The following YIPF4 variants were observed in gnomAD, a reference collection of about 807,000 sequenced individuals.
YIPF4 encodes the protein protein YIPF4.
Under a neutral mutation model 29.4 loss-of-function variants are expected in YIPF4, and 18 were observed. The observed-to-expected ratio is 0.61, with a 90% CI of 0.42 to 0.91. The LOEUF (loss-of-function observed/expected upper bound fraction) is 0.91, where lower values mean the gene tolerates loss of function less well. YIPF4 is among the 40% of genes least tolerant of loss of function. YIPF4 has a pLI of 0.00. For missense variants in YIPF4, 279 were observed against 282.7 expected, an observed-to-expected ratio of 0.99 and a Z score of 0.09; for synonymous variants, 115 against 104.7, an observed-to-expected ratio of 1.10 and a Z score of -0.60.
intron 1 of YIPF4, among the ~76,000 whole-genome samples, chr2:32,285,711 A>T (rs1157442724): frequency 6.8e-6 from 1 of 147,620 alleles, no homozygotes; most frequent in Admixed American, 6.9e-5. Flanking sequence ...GCTAGAGTGC[A>T]GTGGTGCGAT....
In YIPF4 at chr2:32,311,734, T is replaced by C. The variant is rs1032954302; in HGVS notation, c.*6108T>C. Reference sequence around the variant, plus strand: ...AAATTATCAAGAATAAAAACCTTGGTTTTTCTGTAATATTTGCCACTGAGC... The same window carrying C: ...AAATTATCAAGAATAAAAACCTTGGCTTTTCTGTAATATTTGCCACTGAGC... On this transcript the variant is annotated 3_prime_UTR_variant, in exon 6 of 6. Transcript: ENST00000238831. 2 of 152,194 alleles carry C rather than the reference T, an allele frequency of 1.3e-5. No individual in the cohort carries two copies. Among genetic ancestry groups the C allele is most frequent in the African/African-American group, 4.8e-5 (2 of 41,458 alleles). The allele number at this position is 152,194 out of a possible 1,614,324, so 9.4% of individuals were successfully genotyped here. A position where few individuals can be genotyped will look rare whatever the true frequency, so the allele number is the denominator to read the frequency against.
At chr2:32,304,795 G>A (rs1052849467) in intron 5 of YIPF4, among the ~76,000 whole-genome samples, 1 of 152,098 alleles carries the variant, frequency 6.6e-6, no homozygotes, top group Non-Finnish European at 1.5e-5. Context: ...AAATGTGTTA[G>A]GTGACTACAT....
Position 32,315,055 on chromosome 2 carries a change from G to A in YIPF4, c.*9429G>A, listed in dbSNP as rs1234396559. ...TACATAATCCATAACTGATATGGCA[G>A]TTTAACAGTGTTATTAAGAACTCAA... On this transcript the variant is annotated 3_prime_UTR_variant, in exon 6 of 6. Transcript: ENST00000238831. The A allele has an allele frequency of 6.6e-6, 1 of 152,202 alleles. No individual in the cohort carries two copies. 9.4% of individuals were successfully genotyped at this position (152,202 alleles called of 1,614,324 possible).
chr2:32,316,014 T>A lies in YIPF4; in HGVS notation c.*10388T>A. The A allele has an allele frequency of 1.0e-5, 1 of 99,186 alleles. No individual in the cohort carries two copies. Among genetic ancestry groups the A allele is most frequent in the Non-Finnish European group, 1.9e-5 (1 of 51,964 alleles). 6.1% of individuals were successfully genotyped at this position (99,186 alleles called of 1,614,324 possible). A position where few individuals can be genotyped will look rare whatever the true frequency, so the allele number is the denominator to read the frequency against. ...TGGGCAATATAGCGAGACCCCGTTC[T>A]CCCCAAAAAGGAAAAAAAAAAAAAA... On this transcript the variant is annotated 3_prime_UTR_variant, in exon 6 of 6. Transcript: ENST00000238831.
chr2:32,314,457 T>G lies in YIPF4; in HGVS notation c.*8831T>G, dbSNP rs866690058. On this transcript the variant is annotated 3_prime_UTR_variant, in exon 6 of 6. Coordinates refer to ENST00000238831, the MANE Select transcript of YIPF4 (RefSeq NM_032312.4). ...GGGAGGCAGAGGCTGGCAGATCACC[T>G]GAGGTTGGGAGTTTGAGACCAGCCT... is the stretch of plus-strand genomic sequence containing the variant. 6.6e-6 allele frequency: 1 copy of G among 152,192 alleles called. No individual in the cohort carries two copies. The highest frequency in any genetic ancestry group is 2.4e-5 in the African/African-American group (1 of 41,448). The allele number at this position is 152,192 out of a possible 1,614,324, so 9.4% of individuals were successfully genotyped here.
At chr2:32,278,697 A>G (rs2030231949) in intron 1 of YIPF4, among the ~76,000 whole-genome samples, 1 of 152,136 alleles carries the variant, frequency 6.6e-6, no homozygotes, top group Non-Finnish European at 1.5e-5. Flanking sequence ...CTGCAAATAC[A>G]AACTAAATGG....
At chr2:32,279,838 A>C (rs1290160106) in intron 1 of YIPF4, among the ~76,000 whole-genome samples, 1 of 150,716 alleles carries the variant, frequency 6.6e-6, no homozygotes, top group Non-Finnish European at 1.5e-5. Flanking sequence ...AAAATGTACA[A>C]TAAAATTTTT....
At chr2:32,283,534 C>G (rs2030526780) in intron 1 of YIPF4, among the ~76,000 whole-genome samples, 1 of 152,142 alleles carries the variant, frequency 6.6e-6, no homozygotes, top group Admixed American at 6.6e-5. Context: ...TCCTCCTCGC[C>G]TTAAGTTAAA....
intron 3 of YIPF4, among the ~76,000 whole-genome samples, chr2:32,296,477 A>C (rs2031188224): frequency 1.3e-5 from 2 of 151,860 alleles, no homozygotes. Context: ...TCTCAAAAAA[A>C]AAAAAAAGGA....
chr2:32,303,600 C>T (rs528181693), intron 5 of YIPF4, among the ~76,000 whole-genome samples: 5 of 152,250 alleles, frequency 3.3e-5, no homozygotes, highest in East Asian at 3.9e-4. Flanking sequence ...ATGGGAGGAT[C>T]GCCTGAGCCC....
chr2:32,281,347 T>A (rs990039133), intron 1 of YIPF4, among the ~76,000 whole-genome samples: 26 of 152,102 alleles, frequency 1.7e-4, no homozygotes, highest in African/African-American at 6.3e-4. Flanking sequence ...GATCAAGTGA[T>A]TCTCCTGCCT....
intron 3 of YIPF4, 91 bp downstream of exon 3, chr2:32,292,439 A>C: frequency 2.0e-6 from 2 of 994,310 alleles, no homozygotes; most frequent in Non-Finnish European, 2.7e-6. Flanking sequence ...ATACCATATT[A>C]TGTTTGAGAA....
At position 32,278,227 on chromosome 2, in the gene YIPF4, C is replaced by A; in HGVS notation, c.72C>A (p.Asp24Glu). ...NGDFTFVSSA[D>E]AEDLSGSIAS... Reference sequence around the variant, plus strand: ...ACTTCACCTTTGTCTCCTCAGCAGACGCGGAAGGTGAGGCTGAGCCCCTGG... The same window carrying A: ...ACTTCACCTTTGTCTCCTCAGCAGAAGCGGAAGGTGAGGCTGAGCCCCTGG... Residue 24 changes from aspartate (D) to glutamate (E), a missense_variant, in exon 1 of 6, where the codon GAC becomes GAA. By Grantham distance (45) the Asp-to-Glu change is conservative. Coordinates refer to ENST00000238831, the MANE Select transcript of YIPF4 (RefSeq NM_032312.4). 2 of 1,563,790 alleles carry A rather than the reference C, an allele frequency of 1.3e-6. No individual in the cohort carries two copies. The highest frequency in any genetic ancestry group is 8.7e-7 in the Non-Finnish European group (1 of 1,154,620).
chr2:32,295,858 C>T (rs2031158166), intron 3 of YIPF4, among the ~76,000 whole-genome samples: 1 of 152,170 alleles, frequency 6.6e-6, no homozygotes, highest in South Asian at 2.1e-4. Context: ...CTACCTTGGC[C>T]TCCCAAAGTG....
rs377561559 is a variant in YIPF4 at position 32,307,298 on chromosome 2, A to G, written c.*1672A>G. The G allele has an allele frequency of 1.7e-5, 6 of 358,628 alleles. No homozygotes were observed. In the East Asian group the frequency reaches 7.6e-4, roughly 45 times the overall value. The allele number at this position is 358,628 out of a possible 1,614,324, so 22.2% of individuals were successfully genotyped here. On this transcript the variant is annotated 3_prime_UTR_variant, in exon 6 of 6. Transcript: ENST00000238831. ...TGTTGACCCTGGAATCTTTCACAGA[A>G]AGCTTGGGGGTCAGGACCAGGAGGT... is the stretch of plus-strand genomic sequence containing the variant.
intron 1 of YIPF4, among the ~76,000 whole-genome samples, chr2:32,287,788 A>G (rs1489612251): frequency 1.3e-5 from 2 of 152,244 alleles, no homozygotes; most frequent in African/African-American, 4.8e-5. Flanking sequence ...ACAGCTGTAG[A>G]AACATTTTTA....
chr2:32,285,302 A>G (rs777050240), intron 1 of YIPF4, among the ~76,000 whole-genome samples: 1 of 152,150 alleles, frequency 6.6e-6, no homozygotes, highest in Non-Finnish European at 1.5e-5. Flanking sequence ...AAGACCTGAG[A>G]TATATCAGTT....
At position 32,314,325 on chromosome 2, in the gene YIPF4, A is replaced by C. The variant is rs1052309688; in HGVS notation, c.*8699A>C. ...TTATATGAAGTTCAAACACAGGCAA[A>C]ATTAAGCTATAGTGTTTAGGGATGC... On this transcript the variant is annotated 3_prime_UTR_variant, in exon 6 of 6. Coordinates refer to ENST00000238831, the MANE Select transcript of YIPF4 (RefSeq NM_032312.4). 6.6e-6 allele frequency: 1 copy of C among 152,222 alleles called. No homozygotes were observed. Among genetic ancestry groups the C allele is most frequent in the Non-Finnish European group, 1.5e-5 (1 of 68,044 alleles). The allele number at this position is 152,222 out of a possible 1,614,324, so 9.4% of individuals were successfully genotyped here. A position where few individuals can be genotyped will look rare whatever the true frequency, so the allele number is the denominator to read the frequency against.
At chr2:32,296,015 A>G (rs2031165135) in intron 3 of YIPF4, among the ~76,000 whole-genome samples, 1 of 152,220 alleles carries the variant, frequency 6.6e-6, no homozygotes. Flanking sequence ...AGTCCTATTA[A>G]TATTTACACT....
Sources: allele counts gnomAD v4.1 joint callset (sites outside exome capture counted in the v4.1 genomes callset), GRCh38; gene constraint gnomAD v4.1.1; transcripts MANE v1.5; gene names NCBI Gene and HGNC (gene_info 2026-07-23, HGNC 2026-07-21).